Variants in AKAP9 observed in about 807,000 individuals in gnomAD.
The protein encoded by AKAP9 is A-kinase anchor protein 9.
A neutral mutation model predicts 488.5 loss-of-function variants in AKAP9; 311 were observed. That is an observed-to-expected ratio of 0.64 (90% CI 0.58 to 0.70). The LOEUF is 0.70. Ranked by LOEUF, AKAP9 falls within the 30% of genes least tolerant of loss-of-function variation. AKAP9 has a pLI of 0.00. For missense variants in AKAP9, 4,215 were observed against 4,374.5 expected (o/e 0.96, Z 1.03); for synonymous variants, 1,462 against 1,483.5 (o/e 0.99, Z 0.33).
intron 17 of AKAP9, among the ~76,000 whole-genome samples, chr7:92,040,310 T>C (rs2130780566): frequency 6.6e-6 from 1 of 152,330 alleles, no homozygotes; most frequent in African/African-American, 2.4e-5. Flanking sequence ...ATTCCATGGA[T>C]ATTATTTTCC....
chr7:91,995,535 C>T (rs938101999), intron 6 of AKAP9, 68 bp from the exon 7 acceptor site: 7 of 1,413,968 alleles, frequency 5.0e-6, no homozygotes, highest in African/African-American at 2.8e-5. Flanking sequence ...AGGGACACCC[C>T]AAAGGTGTCT....
At chr7:92,029,611 A>G (rs1803890706) in intron 14 of AKAP9, among the ~76,000 whole-genome samples, 1 of 152,176 alleles carries the variant, frequency 6.6e-6, no homozygotes, top group South Asian at 2.1e-4. Flanking sequence ...GTGAGACCCC[A>G]TCTTTCCAAA....
At chr7:92,073,646 T>C (rs1405099023) in intron 28 of AKAP9, among the ~76,000 whole-genome samples, 1 of 152,216 alleles carries the variant, frequency 6.6e-6, no homozygotes, top group Admixed American at 6.5e-5. Flanking sequence ...TGTAGGTGGT[T>C]ACAGGCTCAA....
chr7:91,968,596 T>C (rs913372874), intron 1 of AKAP9, among the ~76,000 whole-genome samples: 4 of 152,316 alleles, frequency 2.6e-5, no homozygotes, highest in East Asian at 1.9e-4. Flanking sequence ...ATTTCATTTG[T>C]ATCTGCTCTG....
At chr7:92,011,199 A>G (rs1057028844) in intron 8 of AKAP9, among the ~76,000 whole-genome samples, 1 of 152,204 alleles carries the variant, frequency 6.6e-6, no homozygotes, top group East Asian at 1.9e-4. Context: ...CAAGTATAGG[A>G]TACCCACTTT....
chr7:92,055,155 A>G (rs1461084928), intron 22 of AKAP9, among the ~76,000 whole-genome samples: 1 of 152,094 alleles, frequency 6.6e-6, no homozygotes, highest in Non-Finnish European at 1.5e-5. Flanking sequence ...TTTTACTGTA[A>G]GAAATTTTTA....
chr7:91,958,533 A>AGAT (rs1793329307), intron 1 of AKAP9, among the ~76,000 whole-genome samples: 2 of 152,170 alleles, frequency 1.3e-5, no homozygotes, highest in Non-Finnish European at 2.9e-5. Flanking sequence ...TGACATCTAA[A>AGAT]CAGCACTTTC....
rs775361518 is a variant in AKAP9, at chr7:92,038,748, T to A, written c.4668T>A (p.Asp1556Glu). 7 of 1,605,236 alleles carry A rather than the reference T, an allele frequency of 4.4e-6. No homozygotes were observed. Among genetic ancestry groups the A allele is most frequent in the Non-Finnish European group, 5.9e-6 (7 of 1,176,486 alleles). ...TTTCAGAAGAAATGTTCTCCAAAGA[T>A]AAAACATTTATAGTTAGACAGTCTG... is the stretch of plus-strand genomic sequence containing the variant. The part of the protein sequence containing the change: ...LTISEEMFSK[D>E]KTFIVRQSIH... The change falls in exon 17 of 50, where the codon GAT becomes GAA. Residue 1556 changes from aspartate (D) to glutamate (E), a missense_variant. By Grantham distance (45) the Asp-to-Glu change is conservative (BLOSUM62 2). Coordinates refer to ENST00000356239, the MANE Select transcript of AKAP9 (RefSeq NM_005751.5).
intron 22 of AKAP9, among the ~76,000 whole-genome samples, chr7:92,059,272 T>G (rs1809326329): frequency 6.6e-6 from 1 of 151,966 alleles, no homozygotes; most frequent in Non-Finnish European, 1.5e-5. Flanking sequence ...TTGTTATAGA[T>G]ATTAGGAATA....
chr7:91,963,183 T>A (rs529101369), intron 1 of AKAP9, among the ~76,000 whole-genome samples: 98 of 152,286 alleles, frequency 6.4e-4, no homozygotes, highest in African/African-American at 2.2e-3. Flanking sequence ...AAGAATGAAT[T>A]TGCTACCCTC....
chr7:92,068,789 C>T (rs1584410096), intron 26 of AKAP9, among the ~76,000 whole-genome samples: 1 of 151,838 alleles, frequency 6.6e-6, no homozygotes, highest in African/African-American at 2.4e-5. Context: ...CATCCTTGAA[C>T]CTGAAATTAT....
Position 92,052,774 on chromosome 7 carries a change from A to G in AKAP9, c.5417A>G (p.Asn1806Ser). The G allele has an allele frequency of 1.2e-6, 2 of 1,613,808 alleles. No homozygotes were observed. The highest frequency in any genetic ancestry group is 8.5e-7 in the Non-Finnish European group (1 of 1,179,788). The change falls in exon 22 of 50, where the codon AAT becomes AGT. Residue 1806 changes from asparagine to serine, a missense_variant. Coordinates refer to ENST00000356239, the MANE Select transcript of AKAP9 (RefSeq NM_005751.5). Reference sequence around the variant, plus strand: ...TATTCTGGAAGTGATATGCCAAGAAATGACATTAACATGTGGTCAAAAGTA... The same window carrying G: ...TATTCTGGAAGTGATATGCCAAGAAGTGACATTAACATGTGGTCAAAAGTA... ...PSYSGSDMPR[N>S]DINMWSKVTE...
At chr7:92,082,211 A>C (rs1226829940) in intron 31 of AKAP9, among the ~76,000 whole-genome samples, 1 of 152,232 alleles carries the variant, frequency 6.6e-6, no homozygotes, top group African/African-American at 2.4e-5. Flanking sequence ...CTGGGATTAC[A>C]GGCGTGAGCC....
rs750157906 is a variant in AKAP9 at position 92,097,644 on chromosome 7, TAGA to T, written c.10460_10462del (p.Glu3487del). On this transcript the variant is annotated inframe_deletion, in exon 42 of 50. Coordinates refer to ENST00000356239, the MANE Select transcript of AKAP9 (RefSeq NM_005751.5). ...AGAAATTGGGTTCTTCAACAGAAAA[TAGA>T]AGGAGAAACAAAAGAATCAAACTAC... 1.9e-6 allele frequency: 3 copies of T among 1,613,788 alleles called. No homozygotes were observed. Among genetic ancestry groups the T allele is most frequent in the Non-Finnish European group, 2.5e-6 (3 of 1,180,006 alleles).
rs566398429 is a variant in AKAP9 at position 92,073,505 on chromosome 7, C to CA, written c.6612+2506dup. 1.7e-3 allele frequency among the ~76,000 whole-genome samples: 240 copies of CA among 141,952 alleles called. 1 individual carries two copies. The highest frequency in any genetic ancestry group is 0.014 in the South Asian group (61 of 4,416). 93.1% of individuals were successfully genotyped at this position (141,952 alleles called of 152,430 possible). On this transcript the variant is annotated intron_variant, in intron 28 of 49. Transcript: ENST00000356239. ...TGGGCAACAGAGTGAGACTCCATCT[C>CA]AAAAAAAAAAGAAAACAAAAATAGA...
chr7:92,099,582 G>A (rs1817182708), intron 43 of AKAP9, 105 bp from the exon 44 acceptor site: 1 of 1,105,248 alleles, frequency 9.0e-7, no homozygotes, highest in African/African-American at 1.5e-5. Context: ...CTCAACTCAA[G>A]CACCAATTCA....
intron 1 of AKAP9, among the ~76,000 whole-genome samples, chr7:91,948,909 C>T (rs935244167): frequency 6.6e-6 from 1 of 150,502 alleles, no homozygotes; most frequent in African/African-American, 2.5e-5. Flanking sequence ...CCACCATGCC[C>T]GATTAATTTT....
At chr7:92,030,419 G>T (rs1200235487) in intron 15 of AKAP9, among the ~76,000 whole-genome samples, 1 of 152,132 alleles carries the variant, frequency 6.6e-6, no homozygotes, top group Admixed American at 6.6e-5. Flanking sequence ...GAGGTGTGTG[G>T]ATCACGAGGT....
chr7:92,069,210 G>T (rs1441796032), intron 26 of AKAP9, among the ~76,000 whole-genome samples: 1 of 152,158 alleles, frequency 6.6e-6, no homozygotes, highest in Non-Finnish European at 1.5e-5. Flanking sequence ...GTCCATAAAA[G>T]ATTTATTTAG....
Sources: allele counts gnomAD v4.1 joint callset (sites outside exome capture counted in the v4.1 genomes callset), GRCh38; gene constraint gnomAD v4.1.1; transcripts MANE v1.5; gene names NCBI Gene and HGNC (gene_info 2026-07-23, HGNC 2026-07-21).